Variants in CDCA7L observed in about 807,000 individuals in gnomAD.
CDCA7L encodes the protein cell division cycle associated 7 like, also known as cell division cycle-associated 7-like protein.
CDCA7L carries 44 observed loss-of-function variants against 57.4 expected under a neutral mutation model. The ratio of observed to expected loss-of-function variants is 0.77; its 90% CI spans 0.60 to 0.98. CDCA7L has a LOEUF of 0.98. Ranked by LOEUF, CDCA7L falls within the 50% of genes least tolerant of loss-of-function variation. The probability of loss-of-function intolerance (pLI) is 0.00; values close to 1 mark genes in which losing one functional copy is unlikely to be tolerated. For missense variants in CDCA7L, 644 were observed against 580.6 expected (o/e 1.11, Z -1.12); for synonymous variants, 236 against 202.8 (o/e 1.16, Z -1.39).
intron 1 of CDCA7L, among the ~76,000 whole-genome samples, chr7:21,945,374 T>A (rs1454294761): frequency 6.7e-6 from 1 of 149,758 alleles, no homozygotes; most frequent in African/African-American, 2.5e-5. Context: ...AAAAAAAAAA[T>A]TACAACTTTC....
At chr7:21,910,401 AC>A (rs1368555127) in intron 3 of CDCA7L, among the ~76,000 whole-genome samples, 1 of 152,114 alleles carries the variant, frequency 6.6e-6, no homozygotes, top group African/African-American at 2.4e-5. Context: ...TCACTATCAA[AC>A]GAAGCAGCCT....
At chr7:21,938,243 A>G (rs557641849) in intron 1 of CDCA7L, among the ~76,000 whole-genome samples, 1 of 152,202 alleles carries the variant, frequency 6.6e-6, no homozygotes, top group Non-Finnish European at 1.5e-5. Context: ...AAGGACTTGA[A>G]TTAACATTTC....
intron 4 of CDCA7L, 149 bp from the exon 5 acceptor site, chr7:21,906,788 C>T (rs939732076): frequency 2.9e-6 from 2 of 698,586 alleles, no homozygotes; most frequent in African/African-American, 3.6e-5. Flanking sequence ...CTTTTAACCT[C>T]ACATGTAAAG....
intron 2 of CDCA7L, among the ~76,000 whole-genome samples, chr7:21,916,174 G>C (rs1005105049): frequency 6.6e-6 from 1 of 152,160 alleles, no homozygotes; most frequent in Non-Finnish European, 1.5e-5. Context: ...AATTAACTCA[G>C]AAGAAAATGC....
chr7:21,915,399 G>A (rs1785447018), intron 2 of CDCA7L, among the ~76,000 whole-genome samples: 2 of 152,188 alleles, frequency 1.3e-5, no homozygotes, highest in South Asian at 4.1e-4. Context: ...TACAGTAACA[G>A]CTCAAAGCAG....
intron 1 of CDCA7L, among the ~76,000 whole-genome samples, chr7:21,921,196 C>T (rs888904673): frequency 2.0e-5 from 3 of 151,996 alleles, no homozygotes; most frequent in African/African-American, 7.3e-5. Context: ...TCCAGAGGTA[C>T]CATTAGGGGG....
intron 1 of CDCA7L, among the ~76,000 whole-genome samples, chr7:21,942,514 G>C (rs780538856): frequency 6.6e-6 from 1 of 152,148 alleles, no homozygotes; most frequent in African/African-American, 2.4e-5. Context: ...CTGTATACTG[G>C]AGGTAAATAT....
rs1583831193 is a variant in CDCA7L at position 21,901,317 on chromosome 7, G to A, written c.*1005C>T. 6.6e-7 allele frequency: 1 copy of A among 1,514,108 alleles called. No homozygotes were observed. The highest frequency in any genetic ancestry group is 8.8e-7 in the Non-Finnish European group (1 of 1,131,344). 93.8% of individuals were successfully genotyped at this position (1,514,108 alleles called of 1,614,324 possible). ...AGTGAGGATTTTCTAGCATGTTGCTGCACTGTTCCCATGCACATTATTCTA... is the reference window on the plus strand; with the variant it reads ...AGTGAGGATTTTCTAGCATGTTGCTACACTGTTCCCATGCACATTATTCTA... On this transcript the variant is annotated 3_prime_UTR_variant, in exon 10 of 10. Transcript: ENST00000406877.
chr7:21,924,252 A>T (rs1388436478), intron 1 of CDCA7L, among the ~76,000 whole-genome samples: 1 of 152,180 alleles, frequency 6.6e-6, no homozygotes, highest in Admixed American at 6.6e-5. Flanking sequence ...CAACTGATAC[A>T]AGGGCTGATT....
At chr7:21,922,655 T>C (rs796844679) in intron 1 of CDCA7L, among the ~76,000 whole-genome samples, 32 of 152,300 alleles carry the variant, frequency 2.1e-4, no homozygotes, top group East Asian at 9.6e-4. Context: ...TAGTGCCTAG[T>C]AGTAATAGTA....
intron 2 of CDCA7L, among the ~76,000 whole-genome samples, chr7:21,914,613 C>A (rs1785426793): frequency 6.6e-6 from 1 of 152,146 alleles, no homozygotes; most frequent in Non-Finnish European, 1.5e-5. Flanking sequence ...CAGTTCAGTT[C>A]CTGTGCCCTG....
chr7:21,927,913 C>T (rs1412628219), intron 1 of CDCA7L, among the ~76,000 whole-genome samples: 2 of 152,222 alleles, frequency 1.3e-5, no homozygotes, highest in Admixed American at 6.5e-5. Context: ...ACGTCTCTGC[C>T]TGCCAGCTCT....
intron 7 of CDCA7L, 121 bp downstream of exon 7, chr7:21,905,385 A>G: frequency 8.9e-7 from 1 of 1,129,192 alleles, no homozygotes; most frequent in Non-Finnish European, 1.3e-6. Context: ...CCTCCAATTC[A>G]GAGCCTGGCT....
At chr7:21,935,174 T>G (rs1786126439) in intron 1 of CDCA7L, among the ~76,000 whole-genome samples, 1 of 152,164 alleles carries the variant, frequency 6.6e-6, no homozygotes, top group Admixed American at 6.5e-5. Flanking sequence ...TATTTTTAAA[T>G]GACTGAAATA....
rs571903555 is a variant in CDCA7L, at chr7:21,936,564, G to A, written c.24+9217C>T. 2.2e-3 allele frequency among the ~76,000 whole-genome samples: 332 copies of A among 151,160 alleles called. 1 individual carries two copies. The highest frequency in any genetic ancestry group is 3.5e-3 in the Non-Finnish European group (234 of 67,760). Reference sequence around the variant, plus strand: ...TACACCCTATGAACAGAATAAAGGGGAAAAACAAAGATCATCTCAACTGAT... The same window carrying A: ...TACACCCTATGAACAGAATAAAGGGAAAAAACAAAGATCATCTCAACTGAT... On this transcript the variant is annotated intron_variant, in intron 1 of 9. Coordinates refer to ENST00000406877, the MANE Select transcript of CDCA7L (RefSeq NM_018719.5).
chr7:21,916,411 C>T (rs1583856048), intron 2 of CDCA7L, among the ~76,000 whole-genome samples: 2 of 151,724 alleles, frequency 1.3e-5, no homozygotes, highest in African/African-American at 4.8e-5. Flanking sequence ...CATGCCTCGC[C>T]GCAGCCTCGC....
At chr7:21,939,983 A>AC (rs1491082418) in intron 1 of CDCA7L, among the ~76,000 whole-genome samples, 1 of 118,846 alleles carries the variant, frequency 8.4e-6, no homozygotes, top group African/African-American at 3.1e-5. Context: ...AAAAAAAAAA[A>AC]AGGCTTCCGT....
At chr7:21,903,932 C>T in intron 8 of CDCA7L, 178 bp downstream of exon 8, 1 of 518,634 alleles carries the variant, frequency 1.9e-6, no homozygotes, top group Non-Finnish European at 3.2e-6. Context: ...GGTCAGCTTG[C>T]TCTCCTTCCA....
chr7:21,901,356 TCA>T lies in CDCA7L; in HGVS notation c.*964_*965del. 1 of 1,391,336 alleles carries T rather than the reference TCA, an allele frequency of 7.2e-7. No homozygotes were observed. Among genetic ancestry groups the T allele is most frequent in the Non-Finnish European group, 9.4e-7 (1 of 1,062,138 alleles). 86.2% of individuals were successfully genotyped at this position (1,391,336 alleles called of 1,614,324 possible). A position where few individuals can be genotyped will look rare whatever the true frequency, so the allele number is the denominator to read the frequency against. ...CACATTATTCTAACTTTTTAGTAAC[TCA>T]CACGTGCATTCTTTTTTCAACGCTA... On this transcript the variant is annotated 3_prime_UTR_variant, in exon 10 of 10. Coordinates refer to ENST00000406877, the MANE Select transcript of CDCA7L (RefSeq NM_018719.5).
Sources: gnomAD v4.1 joint callset for allele counts (sites outside exome capture counted in the v4.1 genomes callset) on GRCh38, gnomAD v4.1.1 for gene constraint, MANE v1.5 for transcripts, NCBI Gene and HGNC (gene_info 2026-07-23, HGNC 2026-07-21) for gene names.